DGKB: variants seen among roughly 807,000 people sequenced by gnomAD.
The protein encoded by DGKB is 90 kDa diacylglycerol kinase.
A neutral mutation model predicts 114.3 loss-of-function variants in DGKB; 67 were observed. That is an observed-to-expected ratio of 0.59 (90% CI 0.48 to 0.72). DGKB has a LOEUF of 0.72. DGKB is among the 30% of genes least tolerant of loss of function. The pLI, the probability that DGKB is intolerant of heterozygous loss-of-function variation, is 0.00. For synonymous variants in DGKB, 398 were observed against 323.1 expected, an observed-to-expected ratio of 1.23 and a Z score of -2.49; for missense variants, 907 against 975.2, an observed-to-expected ratio of 0.93 and a Z score of 0.93.
At chr7:14,866,408 C>G (rs1851721812) in intron 1 of DGKB, among the ~76,000 whole-genome samples, 1 of 152,170 alleles carries the variant, frequency 6.6e-6, no homozygotes, top group African/African-American at 2.4e-5. Context: ...ATTTATCCCT[C>G]CCTCCCCACA....
intron 20 of DGKB, among the ~76,000 whole-genome samples, chr7:14,568,928 A>G (rs1797981473): frequency 6.6e-6 from 1 of 152,242 alleles, no homozygotes; most frequent in Admixed American, 6.5e-5. Context: ...AGACAATTTC[A>G]AGTACAAACT....
chr7:14,946,854 A>G (rs1785909553), intron 1 of DGKB, among the ~76,000 whole-genome samples: 1 of 151,788 alleles, frequency 6.6e-6, no homozygotes, highest in Non-Finnish European at 1.5e-5. Flanking sequence ...ATCTATTTTT[A>G]TATTATATTT....
chr7:14,691,322 A>G (rs1364870283), intron 9 of DGKB, among the ~76,000 whole-genome samples: 2 of 152,200 alleles, frequency 1.3e-5, no homozygotes. Flanking sequence ...AATTGACAAT[A>G]GACAATAACA....
rs1031497934 is a variant in DGKB at position 14,754,009 on chromosome 7, C to G, written c.148-61G>C. On this transcript the variant is annotated intron_variant, in intron 3 of 25. Transcript: ENST00000402815. Reference sequence around the variant, plus strand: ...ATGTAAGATACTTTATACTCATTATCTCATATCTCTGATTATTTAGCTAAA... The same window carrying G: ...ATGTAAGATACTTTATACTCATTATGTCATATCTCTGATTATTTAGCTAAA... 6 of 1,122,190 alleles carry G rather than the reference C, an allele frequency of 5.3e-6. No homozygotes were observed. The African/African-American group carries it at 9.5e-5, about 18-fold the overall frequency. 69.5% of individuals were successfully genotyped at this position (1,122,190 alleles called of 1,614,324 possible).
intron 21 of DGKB, among the ~76,000 whole-genome samples, chr7:14,445,749 T>C (rs1384423701): frequency 2.0e-5 from 3 of 152,014 alleles, no homozygotes; most frequent in African/African-American, 7.2e-5. Flanking sequence ...CAAAAAATAG[T>C]GTCCCTAATA....
At chr7:14,574,132 T>A (rs1798774757) in intron 20 of DGKB, 80 bp downstream of exon 20, 1 of 1,113,742 alleles carries the variant, frequency 9.0e-7, no homozygotes, top group Non-Finnish European at 1.3e-6. Flanking sequence ...TTATAATCAG[T>A]AAATTTTCAT....
At chr7:14,650,824 G>T (rs78116330) in intron 13 of DGKB, among the ~76,000 whole-genome samples, 1 of 146,328 alleles carries the variant, frequency 6.8e-6, no homozygotes, top group African/African-American at 2.5e-5. Flanking sequence ...TATCACCACA[G>T]ATCCCACAGA....
intron 19 of DGKB, among the ~76,000 whole-genome samples, chr7:14,577,574 G>A (rs551586000): frequency 5.3e-5 from 8 of 151,982 alleles, no homozygotes; most frequent in Non-Finnish European, 8.8e-5. Context: ...CTGAGATTGC[G>A]CCACTGCACT....
intron 2 of DGKB, among the ~76,000 whole-genome samples, chr7:14,767,922 T>C (rs2128465276): frequency 6.6e-6 from 1 of 152,066 alleles, no homozygotes; most frequent in African/African-American, 2.4e-5. Flanking sequence ...CAATTCTGTA[T>C]TCTCTAGTCA....
rs575744560 is a variant in DGKB, at chr7:14,173,271, T to C, written c.2304+3568A>G. Among the ~76,000 whole-genome samples the C allele has an allele frequency of 1.4e-3, 218 of 152,332 alleles. 1 individual carries two copies. The highest frequency in any genetic ancestry group is 5.0e-3 in the African/African-American group (209 of 41,578). Reference sequence around the variant, plus strand: ...TTCTTTTCCTGATCTTTGAACTCAATATTGGTGAAATTTATAAATGTATCT... The same window carrying C: ...TTCTTTTCCTGATCTTTGAACTCAACATTGGTGAAATTTATAAATGTATCT... On this transcript the variant is annotated intron_variant, in intron 25 of 25. Coordinates refer to ENST00000402815, the MANE Select transcript of DGKB (RefSeq NM_001350709.2).
chr7:14,904,595 T>C (rs1307387706), upstream of DGKB, among the ~76,000 whole-genome samples: 2 of 152,158 alleles, frequency 1.3e-5, no homozygotes. Flanking sequence ...ATCCAACAAA[T>C]ATCAATTTGC....
At chr7:14,410,082 G>T (rs1824619304) in intron 21 of DGKB, among the ~76,000 whole-genome samples, 1 of 151,922 alleles carries the variant, frequency 6.6e-6, no homozygotes, top group Admixed American at 6.6e-5. Flanking sequence ...CTCTTGCAAT[G>T]TTGAAGGGTC....
Position 14,534,425 on chromosome 7 carries a change from C to G in DGKB, c.1770+39787G>C, listed in dbSNP as rs987844866. Among the ~76,000 whole-genome samples the G allele has an allele frequency of 4.6e-5, 7 of 151,968 alleles. No homozygotes were observed. The South Asian group carries it at 1.0e-3, about 22-fold the overall frequency. ...TACAAAACAGACAAAAAACAATGGA[C>G]AAAGTGGGAACAGTAAAACCTTAGC... On this transcript the variant is annotated intron_variant, in intron 20 of 25. Coordinates refer to ENST00000402815, the MANE Select transcript of DGKB (RefSeq NM_001350709.2).
chr7:14,608,471 CA>C (rs1159756161), intron 16 of DGKB, among the ~76,000 whole-genome samples: 1 of 152,042 alleles, frequency 6.6e-6, no homozygotes, highest in Non-Finnish European at 1.5e-5. Flanking sequence ...GACAAACCCA[CA>C]GCCAACAGCA....
At chr7:14,678,611 G>T (rs532382302) in intron 12 of DGKB, among the ~76,000 whole-genome samples, 17 of 152,100 alleles carry the variant, frequency 1.1e-4, no homozygotes, top group African/African-American at 4.1e-4. Context: ...CCAACTTGAT[G>T]CAAGGGGTGT....
In DGKB at chr7:14,525,788, G is replaced by A. The variant is rs79808070; in HGVS notation, c.1771-47563C>T. ...TTTTGGTCTTTTTTATTATTTGTTC[G>A]GGTAACTAGAAATTCAAAATATTTT... is the stretch of plus-strand genomic sequence containing the variant. On this transcript the variant is annotated intron_variant, in intron 20 of 25. Transcript: ENST00000402815. Among the ~76,000 whole-genome samples, 911 of 152,036 alleles carry A rather than the reference G, an allele frequency of 6.0e-3. 2 individuals carry two copies. Among genetic ancestry groups the A allele is most frequent in the Non-Finnish European group, 9.5e-3 (647 of 67,968 alleles).
chr7:14,457,190 T>C (rs13238777), intron 21 of DGKB, among the ~76,000 whole-genome samples: 53,314 of 152,026 alleles, frequency 0.35, 9,680 homozygotes, highest in South Asian at 0.41. Flanking sequence ...TATGATATCA[T>C]AGTGCACTAG....
intron 25 of DGKB, among the ~76,000 whole-genome samples, chr7:14,156,699 T>C (rs987850313): frequency 2.6e-5 from 4 of 152,310 alleles, no homozygotes; most frequent in African/African-American, 9.6e-5. Context: ...AATTCAGAAT[T>C]ATGAGGCATA....
intron 19 of DGKB, among the ~76,000 whole-genome samples, chr7:14,578,718 T>A: frequency 6.6e-6 from 1 of 152,358 alleles, no homozygotes; most frequent in African/African-American, 2.4e-5. Flanking sequence ...TTTGGAGAAC[T>A]ATAGTTCTGC....
Sources: gnomAD v4.1 joint callset for allele counts (sites outside exome capture counted in the v4.1 genomes callset) on GRCh38, gnomAD v4.1.1 for gene constraint, MANE v1.5 for transcripts, NCBI Gene and HGNC (gene_info 2026-07-23, HGNC 2026-07-21) for gene names.